Variants in LSAMP observed in about 807,000 individuals in gnomAD.
LSAMP encodes the protein limbic system associated membrane protein, also known as limbic system-associated membrane protein.
In LSAMP, 7 loss-of-function variants were observed where a neutral mutation model predicts 38.6. The observed-to-expected ratio is 0.18, with a 90% CI of 0.10 to 0.34. The LOEUF (loss-of-function observed/expected upper bound fraction) is 0.34. LSAMP is among the 10% of genes least tolerant of loss of function. The pLI is 1.00. For synonymous variants in LSAMP, 154 were observed against 166.8 expected, an observed-to-expected ratio of 0.92 and a Z score of 0.59; for missense variants, 313 against 420.0, an observed-to-expected ratio of 0.75 and a Z score of 2.23.
intron 1 of LSAMP, among the ~76,000 whole-genome samples, chr3:116,382,141 C>G (rs1352854171): frequency 6.6e-6 from 1 of 151,978 alleles, no homozygotes; most frequent in Non-Finnish European, 1.5e-5. Flanking sequence ...TTGACCCAGC[C>G]ATCCCATTAC....
At chr3:116,106,064 T>C (rs1174207811) in intron 1 of LSAMP, among the ~76,000 whole-genome samples, 1 of 151,984 alleles carries the variant, frequency 6.6e-6, no homozygotes, top group Admixed American at 6.6e-5. Context: ...TTTGGATGAA[T>C]TGAGAAACTA....
intron 1 of LSAMP, among the ~76,000 whole-genome samples, chr3:116,426,599 A>C (rs1373607534): frequency 6.6e-6 from 1 of 152,170 alleles, no homozygotes; most frequent in Non-Finnish European, 1.5e-5. Flanking sequence ...CAGCTCATTA[A>C]ATTTACCAAG....
chr3:116,036,713 A>C (rs958232125), intron 2 of LSAMP, among the ~76,000 whole-genome samples: 18 of 152,222 alleles, frequency 1.2e-4, no homozygotes, highest in African/African-American at 4.3e-4. Context: ...ATAATATAAG[A>C]GTATTATTGA....
At chr3:116,424,190 C>G (rs1230465585) in intron 1 of LSAMP, among the ~76,000 whole-genome samples, 9 of 152,150 alleles carry the variant, frequency 5.9e-5, no homozygotes, top group Non-Finnish European at 8.8e-5. Flanking sequence ...CTCCTTTACT[C>G]GGGTCTGGTG....
chr3:115,870,521 C>G (rs1936002589), intron 3 of LSAMP, among the ~76,000 whole-genome samples: 1 of 152,124 alleles, frequency 6.6e-6, no homozygotes, highest in Admixed American at 6.6e-5. Context: ...CTAGGGAACT[C>G]CTTGAAAAGG....
At chr3:116,293,323 C>T (rs2047292336) in intron 1 of LSAMP, among the ~76,000 whole-genome samples, 1 of 152,102 alleles carries the variant, frequency 6.6e-6, no homozygotes, top group South Asian at 2.1e-4. Flanking sequence ...TGAAGATTGC[C>T]CTGAAACCTA....
At chr3:116,072,532 C>T (rs1707632934) in intron 2 of LSAMP, among the ~76,000 whole-genome samples, 1 of 152,120 alleles carries the variant, frequency 6.6e-6, no homozygotes, top group South Asian at 2.1e-4. Flanking sequence ...AAAAGTTTTC[C>T]TTTTCCTCTA....
intron 1 of LSAMP, among the ~76,000 whole-genome samples, chr3:116,358,318 G>C (rs1172381975): frequency 6.6e-6 from 1 of 152,158 alleles, no homozygotes; most frequent in African/African-American, 2.4e-5. Flanking sequence ...GGAGGTGTTT[G>C]CTGGACTTCA....
intron 1 of LSAMP, among the ~76,000 whole-genome samples, chr3:116,163,328 T>C (rs1426808382): frequency 6.6e-6 from 1 of 150,970 alleles, no homozygotes; most frequent in Admixed American, 6.6e-5. Flanking sequence ...ATGTGGTGTT[T>C]GGTTTTTTGT....
At chr3:115,995,955 C>A (rs973081578) in intron 3 of LSAMP, among the ~76,000 whole-genome samples, 2 of 151,914 alleles carry the variant, frequency 1.3e-5, no homozygotes, top group African/African-American at 4.8e-5. Context: ...AATCAGAACT[C>A]TAGATTGAAT....
intron 3 of LSAMP, among the ~76,000 whole-genome samples, chr3:115,911,106 A>G (rs1414564324): frequency 6.6e-6 from 1 of 152,212 alleles, no homozygotes; most frequent in East Asian, 1.9e-4. Flanking sequence ...GTCATGCATC[A>G]ATTTTTAAAA....
At chr3:116,291,934 G>A (rs1032062199) in intron 1 of LSAMP, among the ~76,000 whole-genome samples, 20 of 152,106 alleles carry the variant, frequency 1.3e-4, no homozygotes, top group African/African-American at 4.8e-4. Flanking sequence ...CAACTGTTTG[G>A]ACTTTTGGTC....
At chr3:115,862,974 G>A (rs58806155) in intron 3 of LSAMP, among the ~76,000 whole-genome samples, 26,849 of 152,152 alleles carry the variant, frequency 0.18, 2,920 homozygotes, top group African/African-American at 0.28. Context: ...CCCAGGCTGG[G>A]CCCATGCGCT....
intron 3 of LSAMP, among the ~76,000 whole-genome samples, chr3:115,936,335 G>T (rs1218384823): frequency 1.3e-5 from 2 of 152,154 alleles, no homozygotes; most frequent in Admixed American, 1.3e-4. Flanking sequence ...CATGGATTTG[G>T]GTTGCTGCCC....
At chr3:115,876,271 G>A (rs1420854908) in intron 3 of LSAMP, among the ~76,000 whole-genome samples, 2 of 139,232 alleles carry the variant, frequency 1.4e-5, no homozygotes, top group African/African-American at 5.5e-5. Flanking sequence ...AAAAAAAAAG[G>A]AAAAAGCTTT....
intron 1 of LSAMP, among the ~76,000 whole-genome samples, chr3:116,208,946 C>T (rs2046111220): frequency 6.6e-6 from 1 of 152,348 alleles, no homozygotes; most frequent in African/African-American, 2.4e-5. Flanking sequence ...AGCTTCCCGG[C>T]TGCTTTGTTT....
chr3:116,090,171 C>T (rs1576356255), intron 1 of LSAMP, among the ~76,000 whole-genome samples: 1 of 139,290 alleles, frequency 7.2e-6, no homozygotes, highest in Non-Finnish European at 1.5e-5. Context: ...GCTATGATCA[C>T]ATCACTGCAC....
intron 1 of LSAMP, among the ~76,000 whole-genome samples, chr3:116,214,954 G>T (rs151321548): frequency 1.3e-5 from 2 of 152,184 alleles, no homozygotes; most frequent in Admixed American, 6.5e-5. Context: ...AGAAGGACTG[G>T]AAGTTAACGA....
At chr3:115,855,052 A>G (rs1935464206) in intron 3 of LSAMP, among the ~76,000 whole-genome samples, 1 of 152,214 alleles carries the variant, frequency 6.6e-6, no homozygotes. Flanking sequence ...TAGAAGAAGG[A>G]GAGAACAAGG....
Sources: gnomAD v4.1 joint callset for allele counts (sites outside exome capture counted in the v4.1 genomes callset) on GRCh38, gnomAD v4.1.1 for gene constraint, MANE v1.5 for transcripts, NCBI Gene and HGNC (gene_info 2026-07-23, HGNC 2026-07-21) for gene names.